Variants in ERCC6L2 observed in about 807,000 individuals in gnomAD.
ERCC6L2 encodes the protein DNA excision repair protein ERCC-6-like 2.
A neutral mutation model predicts 132.0 loss-of-function variants in ERCC6L2; 77 were observed. The observed-to-expected ratio is 0.58, with a 90% CI of 0.49 to 0.71. ERCC6L2 has a LOEUF of 0.71. ERCC6L2 is among the 30% of genes least tolerant of loss of function. The pLI, the probability that ERCC6L2 is intolerant of heterozygous loss-of-function variation, is 0.00. For missense variants in ERCC6L2, 1,542 were observed against 1,837.6 expected, an observed-to-expected ratio of 0.84 and a Z score of 2.94; for synonymous variants, 583 against 632.4, an observed-to-expected ratio of 0.92 and a Z score of 1.17.
chr9:95,949,748 G>T (rs930187634), intron 12 of ERCC6L2, among the ~76,000 whole-genome samples: 2 of 152,140 alleles, frequency 1.3e-5, no homozygotes, highest in Non-Finnish European at 2.9e-5. Flanking sequence ...AGTGGCTCAC[G>T]CCTGTAATCC....
In ERCC6L2 at chr9:96,014,171, G is replaced by A. The variant is rs576700881; in HGVS notation, c.*968G>A. On this transcript the variant is annotated 3_prime_UTR_variant, in exon 19 of 19. Transcript: ENST00000653738. ...TGTCAGTGAAAAATCATGGTGGAAA[G>A]CCCCTGGCATCACATGTGCATGCTG... 1 of 152,346 alleles carries A rather than the reference G, an allele frequency of 6.6e-6. No individual in the cohort carries two copies. The highest frequency in any genetic ancestry group is 2.4e-5 in the African/African-American group (1 of 41,580). The allele number at this position is 152,346 out of a possible 1,614,324, so 9.4% of individuals were successfully genotyped here. A position where few individuals can be genotyped will look rare whatever the true frequency, so the allele number is the denominator to read the frequency against.
intron 12 of ERCC6L2, among the ~76,000 whole-genome samples, chr9:95,943,500 C>T (rs1295165351): frequency 6.6e-6 from 1 of 152,038 alleles, no homozygotes; most frequent in Non-Finnish European, 1.5e-5. Flanking sequence ...GAATGGGACT[C>T]AACATTCTAC....
intron 12 of ERCC6L2, among the ~76,000 whole-genome samples, chr9:95,943,558 GA>G (rs770370867): frequency 1.1e-4 from 17 of 151,962 alleles, no homozygotes; most frequent in Non-Finnish European, 2.1e-4. Flanking sequence ...TATCAACAGA[GA>G]AAAAAGGCAG....
intron 1 of ERCC6L2, among the ~76,000 whole-genome samples, chr9:95,879,771 A>T (rs945116883): frequency 6.6e-6 from 1 of 152,202 alleles, no homozygotes; most frequent in Non-Finnish European, 1.5e-5. Context: ...TAGTATAAAC[A>T]TGTCATGTTG....
At chr9:95,909,267 T>C (rs937719192) in intron 4 of ERCC6L2, among the ~76,000 whole-genome samples, 1 of 152,198 alleles carries the variant, frequency 6.6e-6, no homozygotes, top group Non-Finnish European at 1.5e-5. Context: ...TTTTTTATTT[T>C]TATGACCCTT....
At chr9:95,999,577 G>A (rs549645143) in intron 17 of ERCC6L2, among the ~76,000 whole-genome samples, 21 of 152,288 alleles carry the variant, frequency 1.4e-4, no homozygotes, top group Non-Finnish European at 1.6e-4. Flanking sequence ...GAGTAAACAC[G>A]TAAATAATTG....
chr9:96,030,723 T>A (rs1300614368), intron 19 of ERCC6L2, among the ~76,000 whole-genome samples: 5 of 133,812 alleles, frequency 3.7e-5, no homozygotes, highest in African/African-American at 8.4e-5. Context: ...AAAAAAAAGC[T>A]GTAACACTCA....
At chr9:96,021,400 G>C, downstream of ERCC6L2, 1 of 282,004 alleles carries the variant, frequency 3.5e-6, no homozygotes, top group Non-Finnish European at 6.8e-6. The surrounding 1 kb of genome is among the most constrained non-coding windows in gnomAD (Gnocchi z 4.7). Context: ...GGCAGGGAGC[G>C]AGGGGCGGTC....
rs549906583 is a variant in ERCC6L2, at chr9:95,905,792, C to A, written c.595-1286C>A. Among the ~76,000 whole-genome samples, 485 of 152,206 alleles carry A rather than the reference C, an allele frequency of 3.2e-3. 2 individuals are homozygous for A. The highest frequency in any genetic ancestry group is 0.011 in the African/African-American group (464 of 41,522). On this transcript the variant is annotated intron_variant, in intron 3 of 18. Transcript: ENST00000653738. ...CACAAATTTGACTTTTTAGAGTTGA[C>A]AAATGGCCTAGGTTAAATGTTTCAC...
At chr9:95,998,533 G>A (rs923547939) in intron 17 of ERCC6L2, among the ~76,000 whole-genome samples, 1 of 152,188 alleles carries the variant, frequency 6.6e-6, no homozygotes, top group Non-Finnish European at 1.5e-5. Context: ...ATTAAAAGCA[G>A]AGCGCCTTTC....
At chr9:96,008,314 C>T (rs1012401830) in intron 18 of ERCC6L2, among the ~76,000 whole-genome samples, 3 of 152,158 alleles carry the variant, frequency 2.0e-5, no homozygotes, top group African/African-American at 7.2e-5. Context: ...TCTTTGCTCA[C>T]CAGTGCCTTC....
At chr9:95,920,487 G>A (rs1421342094) in intron 6 of ERCC6L2, among the ~76,000 whole-genome samples, 1 of 152,154 alleles carries the variant, frequency 6.6e-6, no homozygotes, top group East Asian at 1.9e-4. Flanking sequence ...CCAGTCAACA[G>A]TAGGCTATTA....
chr9:95,955,683 A>G (rs1411497768), intron 12 of ERCC6L2, among the ~76,000 whole-genome samples: 4 of 152,312 alleles, frequency 2.6e-5, no homozygotes, highest in East Asian at 3.9e-4. Context: ...GTTTATAACA[A>G]AAATGAAGTT....
chr9:95,932,998 G>A (rs1283573815), intron 11 of ERCC6L2, among the ~76,000 whole-genome samples: 1 of 152,184 alleles, frequency 6.6e-6, no homozygotes, highest in Non-Finnish European at 1.5e-5. Context: ...CATCTGCAGA[G>A]AGAGAGAGAG....
chr9:96,037,990 G>A (rs918342204), intron 19 of ERCC6L2, among the ~76,000 whole-genome samples: 4 of 152,026 alleles, frequency 2.6e-5, no homozygotes, highest in African/African-American at 9.7e-5. Flanking sequence ...TATCATGGAA[G>A]CCAGGAAGGT....
chr9:96,020,660 G>A (rs1834270429), downstream of ERCC6L2: 5 of 408,826 alleles, frequency 1.2e-5, no homozygotes, highest in South Asian at 9.1e-5. Flanking sequence ...TGCAGATGAT[G>A]GAATGCCCTC....
At chr9:95,885,619 C>T (rs1372717449) in intron 2 of ERCC6L2, among the ~76,000 whole-genome samples, 1 of 96,436 alleles carries the variant, frequency 1.0e-5, no homozygotes, top group African/African-American at 3.7e-5. Context: ...GTACAATAAA[C>T]AATTTCACTG....
intron 6 of ERCC6L2, among the ~76,000 whole-genome samples, chr9:95,918,919 G>T (rs1346907776): frequency 6.6e-6 from 1 of 152,036 alleles, no homozygotes; most frequent in Non-Finnish European, 1.5e-5. Flanking sequence ...CCAGGCTGGA[G>T]TGCAGTGGCG....
chr9:95,927,698 CTT>C (rs754333371), intron 9 of ERCC6L2, among the ~76,000 whole-genome samples: 1 of 152,164 alleles, frequency 6.6e-6, no homozygotes, highest in Non-Finnish European at 1.5e-5. Context: ...AATTTAAATA[CTT>C]CCTAAAAGGA....
Sources: gnomAD v4.1 joint callset for allele counts (sites outside exome capture counted in the v4.1 genomes callset) on GRCh38, gnomAD v4.1.1 for gene constraint, Gnocchi (gnomAD v3.1) non-coding constraint, MANE v1.5 for transcripts, NCBI Gene and HGNC (gene_info 2026-07-23, HGNC 2026-07-21) for gene names.